The following LRP2 variants were observed in gnomAD, a reference collection of about 807,000 sequenced individuals.
LRP2 encodes the protein low-density lipoprotein receptor-related protein 2.
In LRP2, 172 loss-of-function variants were observed where a neutral mutation model predicts 531.0. The observed-to-expected ratio is 0.32, with a 90% CI of 0.29 to 0.37. The LOEUF (loss-of-function observed/expected upper bound fraction) is 0.37, where lower values mean the gene tolerates loss of function less well. LRP2 is among the 10% of genes least tolerant of loss of function. The pLI, the probability that LRP2 is intolerant of heterozygous loss-of-function variation, is 1.00. For synonymous variants in LRP2, 1,992 were observed against 2,027.6 expected (o/e 0.98, Z 0.47); for missense variants, 5,167 against 5,868.3 (o/e 0.88, Z 3.90).
At chr2:169,300,071 A>G (rs1399157968) in intron 4 of LRP2, among the ~76,000 whole-genome samples, 2 of 152,158 alleles carry the variant, frequency 1.3e-5, no homozygotes, top group Admixed American at 6.6e-5. Context: ...ATTAAAAGGT[A>G]AACAAAATTA....
intron 31 of LRP2, among the ~76,000 whole-genome samples, chr2:169,229,729 T>C (rs1239046197): frequency 6.6e-6 from 1 of 152,256 alleles, no homozygotes; most frequent in Non-Finnish European, 1.5e-5. Context: ...GGCACTTGTG[T>C]GTTTTTGCTT....
Position 169,277,787 on chromosome 2 carries a change from C to G in LRP2, c.1730G>C (p.Arg577Pro), listed in dbSNP as rs754884501. ...ISKRVYWVDS[R>P]FDYIETVTYD... Reference sequence around the variant, plus strand: ...AGTTACAGTTTCAATGTAATCAAACCGAGAGTCAACCCAGTAAACACGCTT... The same window carrying G: ...AGTTACAGTTTCAATGTAATCAAACGGAGAGTCAACCCAGTAAACACGCTT... Residue 577 changes from arginine to proline, a missense_variant, in exon 13 of 79, where the codon CGG (arginine) becomes CCG (proline). Physicochemically the swap from Arg to Pro is moderately radical, Grantham distance 103 (BLOSUM62 -2). This residue lies in a region of LRP2 where 2,811 missense variants were observed against 3,058.0 expected (regional missense o/e 0.92). Coordinates refer to ENST00000649046, the MANE Select transcript of LRP2 (RefSeq NM_004525.3). The G allele has an allele frequency of 6.2e-7, 1 of 1,614,020 alleles. No homozygotes were observed. Among genetic ancestry groups the G allele is most frequent in the Non-Finnish European group, 8.5e-7 (1 of 1,179,972 alleles).
intron 8 of LRP2, among the ~76,000 whole-genome samples, chr2:169,290,206 G>A (rs1466126865): frequency 1.4e-5 from 2 of 144,178 alleles, no homozygotes; most frequent in Non-Finnish European, 3.0e-5. Context: ...ACTGTGCATG[G>A]CCAACTCAGT....
intron 14 of LRP2, among the ~76,000 whole-genome samples, chr2:169,274,477 C>G (rs1349140431): frequency 1.3e-5 from 2 of 152,044 alleles, no homozygotes; most frequent in Non-Finnish European, 2.9e-5. Flanking sequence ...TAAGCAGTGT[C>G]TGAATCAAAA....
intron 25 of LRP2, among the ~76,000 whole-genome samples, chr2:169,240,227 G>C (rs1689755282): frequency 6.6e-6 from 1 of 152,144 alleles, no homozygotes; most frequent in African/African-American, 2.4e-5. Flanking sequence ...AAATCAAAGG[G>C]GAAAGGTCAT....
rs138230666 is a variant in LRP2 at position 169,302,058 on chromosome 2, C to A, written c.427+5223G>T. Among the ~76,000 whole-genome samples the A allele has an allele frequency of 8.5e-4, 129 of 152,122 alleles. 1 individual carries two copies. Among genetic ancestry groups the A allele is most frequent in the African/African-American group, 1.7e-3 (70 of 41,486 alleles). On this transcript the variant is annotated intron_variant, in intron 4 of 78. Transcript: ENST00000649046. ...TTCTGAGAAATAGAAAAACAAAAGC[C>A]CCATTCACAGGCTAATTCTAAGTTT...
chr2:169,160,685 A>AAAAAAAAAAAAAAAAAACAAAAC (rs970862922), intron 63 of LRP2, among the ~76,000 whole-genome samples: 6 of 94,234 alleles, frequency 6.4e-5, no homozygotes, highest in Non-Finnish European at 6.5e-5. Context: ...ATTTCCTTAA[A>AAAAAAAAAAAAAAAAAACAAAAC]AAAAAAAAAA....
intron 19 of LRP2, among the ~76,000 whole-genome samples, chr2:169,254,173 G>A (rs1289878840): frequency 3.0e-5 from 1 of 33,022 alleles, no homozygotes; most frequent in Non-Finnish European, 4.8e-5. Context: ...AAATCATGCT[G>A]CTATAAAGAC....
At chr2:169,134,759 C>T (rs1204498412) in intron 76 of LRP2, among the ~76,000 whole-genome samples, 1 of 152,130 alleles carries the variant, frequency 6.6e-6, no homozygotes, top group Non-Finnish European at 1.5e-5. Flanking sequence ...CAAGAGGTTT[C>T]CTCACTACAC....
chr2:169,270,095 G>T (rs896317718), intron 16 of LRP2, among the ~76,000 whole-genome samples: 1 of 152,152 alleles, frequency 6.6e-6, no homozygotes, highest in Non-Finnish European at 1.5e-5. Flanking sequence ...TCATTAAAAA[G>T]TCAGGAAACA....
chr2:169,137,090 G>A (rs1402286671), intron 76 of LRP2, among the ~76,000 whole-genome samples: 2 of 152,208 alleles, frequency 1.3e-5, no homozygotes, highest in Admixed American at 1.3e-4. Flanking sequence ...TGTTTCCCAG[G>A]CCCCTGAAGG....
At chr2:169,132,806 A>G in intron 76 of LRP2, 125 bp from the exon 77 acceptor site, 1 of 695,762 alleles carries the variant, frequency 1.4e-6, no homozygotes, top group Non-Finnish European at 2.7e-6. Context: ...ATCATCAGGC[A>G]CCATTTTTAT....
Position 169,152,924 on chromosome 2 carries a change from A to T in LRP2, c.12336T>A (p.Phe4112Leu), listed in dbSNP as rs766040429. The T allele has an allele frequency of 6.2e-7, 1 of 1,614,062 alleles. No homozygotes were observed. Among genetic ancestry groups the T allele is most frequent in the South Asian group, 1.1e-5 (1 of 91,082 alleles). ...YYTVRGEGSR[F>L]GAIKRAYIPN... is the part of the protein sequence containing the mutation. Reference sequence around the variant, plus strand: ...GGATGTAGGCACGTTTGATAGCACCAAACCTAGAGCCCTCCCCTCGCACAG... The same window carrying T: ...GGATGTAGGCACGTTTGATAGCACCTAACCTAGAGCCCTCCCCTCGCACAG... Residue 4112 changes from phenylalanine to leucine, a missense_variant, in exon 67 of 79, where the codon TTT becomes TTA. Transcript: ENST00000649046.
intron 4 of LRP2, among the ~76,000 whole-genome samples, chr2:169,302,458 C>G (rs1453895414): frequency 2.6e-5 from 4 of 152,022 alleles, no homozygotes; most frequent in African/African-American, 9.7e-5. Flanking sequence ...TGATTTGGCT[C>G]CTGGAGGACA....
At chr2:169,186,983 A>G (rs1185460668) in intron 49 of LRP2, among the ~76,000 whole-genome samples, 2 of 152,300 alleles carry the variant, frequency 1.3e-5, no homozygotes, top group African/African-American at 2.4e-5. Context: ...AATTTATTAA[A>G]TGGTTTTTGA....
chr2:169,330,545 T>C (rs2105537378), intron 1 of LRP2, among the ~76,000 whole-genome samples: 1 of 152,330 alleles, frequency 6.6e-6, no homozygotes, highest in South Asian at 2.1e-4. Flanking sequence ...CCATCAGCAC[T>C]ACAGAACATT....
At chr2:169,262,271 A>AG (rs1398194104) in intron 16 of LRP2, among the ~76,000 whole-genome samples, 1 of 139,610 alleles carries the variant, frequency 7.2e-6, no homozygotes, top group African/African-American at 2.6e-5. Context: ...AAGGAAATAA[A>AG]GGGTATTCAA....
At chr2:169,169,601 C>T in intron 60 of LRP2, 101 bp downstream of exon 60, 1 of 878,654 alleles carries the variant, frequency 1.1e-6, no homozygotes, top group Non-Finnish European at 2.0e-6. Flanking sequence ...ACAGACAATA[C>T]TTATGGCCTT....
chr2:169,286,688 A>G (rs1044171097), intron 9 of LRP2, among the ~76,000 whole-genome samples: 2 of 152,190 alleles, frequency 1.3e-5, no homozygotes, highest in Non-Finnish European at 2.9e-5. Context: ...CTAGGGTGGA[A>G]CAAAAAACTG....
Sources: allele counts gnomAD v4.1 joint callset (sites outside exome capture counted in the v4.1 genomes callset), GRCh38; gene constraint gnomAD v4.1.1; regional missense constraint gnomAD v4.1.1; transcripts MANE v1.5; gene names NCBI Gene and HGNC (gene_info 2026-07-23, HGNC 2026-07-21).